The following ZNF2 variants were observed in gnomAD, a reference collection of about 807,000 sequenced individuals.
ZNF2 encodes zinc finger protein 2.
In ZNF2, 12 loss-of-function variants were observed where a neutral mutation model predicts 21.9. That is an observed-to-expected ratio of 0.55 (90% CI 0.35 to 0.89). The LOEUF is 0.89. Ranked by LOEUF, ZNF2 falls within the 40% of genes least tolerant of loss-of-function variation. The pLI is 0.01. For missense variants in ZNF2, 462 were observed against 544.2 expected, an observed-to-expected ratio of 0.85 and a Z score of 1.50; for synonymous variants, 186 against 196.3, an observed-to-expected ratio of 0.95 and a Z score of 0.44.
intron 4 of ZNF2, 129 bp downstream of exon 4, chr2:95,180,401 C>T: frequency 1.6e-6 from 1 of 621,110 alleles, no homozygotes; most frequent in South Asian, 2.3e-5. Context: ...TTGTATATCA[C>T]CCAATAGCTT....
chr2:95,166,713 G>A (rs1441308006), intron 1 of ZNF2, among the ~76,000 whole-genome samples: 2 of 152,206 alleles, frequency 1.3e-5, no homozygotes, highest in Non-Finnish European at 2.9e-5. Context: ...AGGGCCTGGT[G>A]ACTAGATTTG....
intron 2 of ZNF2, among the ~76,000 whole-genome samples, chr2:95,176,489 T>C (rs192328549): frequency 6.6e-6 from 1 of 152,274 alleles, no homozygotes; most frequent in African/African-American, 2.4e-5. Flanking sequence ...GAGCCTTCAC[T>C]GTGAGTGATT....
At chr2:95,166,988 G>T (rs1489755571) in intron 1 of ZNF2, among the ~76,000 whole-genome samples, 4 of 152,188 alleles carry the variant, frequency 2.6e-5, no homozygotes, top group African/African-American at 9.7e-5. Context: ...TGAAAATGGA[G>T]CCCTGAATGT....
intron 1 of ZNF2, among the ~76,000 whole-genome samples, chr2:95,169,644 G>A (rs1674204590): frequency 6.6e-6 from 1 of 152,142 alleles, no homozygotes; most frequent in African/African-American, 2.4e-5. Context: ...CAGCTACTCA[G>A]GAGGCTGAGG....
chr2:95,176,239 T>TCTC lies in ZNF2; in HGVS notation c.15_17dup (p.Pro6dup). 6.2e-7 allele frequency: 1 copy of TCTC among 1,614,150 alleles called. No homozygotes were observed. The highest frequency in any genetic ancestry group is 8.5e-7 in the Non-Finnish European group (1 of 1,180,034). On this transcript the variant is annotated inframe_insertion, in exon 2 of 5. Coordinates refer to ENST00000614034, the MANE Select transcript of ZNF2 (RefSeq NM_021088.4). ...CACACAGGAGAGAATGGCTGCTGTG[T>TCTC]CTCCGACCACCAGATGCCAGGTGAG... is the stretch of plus-strand genomic sequence containing the variant.
intron 1 of ZNF2, among the ~76,000 whole-genome samples, chr2:95,170,212 T>C (rs1674223974): frequency 6.6e-6 from 1 of 152,208 alleles, no homozygotes; most frequent in Non-Finnish European, 1.5e-5. Flanking sequence ...CGTTGCATGC[T>C]CTGGTTATCA....
rs80249426 is a variant in ZNF2, at chr2:95,181,265, G to A, written c.437G>A (p.Arg146His). 3.2e-5 allele frequency: 51 copies of A among 1,614,190 alleles called. No homozygotes were observed. The East Asian group carries it at 9.6e-4, about 30-fold the overall frequency. ...TEKQSPSGET[R>H]KKSLSRDKGL... ...AAGCAAAGCCCTTCAGGGGAGACTC[G>A]TAAGAAATCCCTCTCCCGGGACAAA... The change falls in exon 5 of 5, where the codon CGT (arginine) becomes CAT (histidine). Residue 146 changes from arginine to histidine, a missense_variant. Arg to His is a conservative substitution (Grantham distance 29). Coordinates refer to ENST00000614034, the MANE Select transcript of ZNF2 (RefSeq NM_021088.4).
Position 95,181,726 on chromosome 2 carries a change from C to T in ZNF2, c.898C>T (p.Leu300Phe). 1 of 1,614,204 alleles carries T rather than the reference C, an allele frequency of 6.2e-7. No individual in the cohort carries two copies. ...GAAAGCCTTTAGCCAGAAAAGTATT[C>T]TTACTCGCCATCAGCTAATCCACAC... Reference protein sequence around the residue: ...CGKAFSQKSILTRHQLIHTGR... With the variant: ...CGKAFSQKSIFTRHQLIHTGR... The change falls in exon 5 of 5, where the codon CTT becomes TTT. Residue 300 changes from leucine to phenylalanine, a missense_variant. Physicochemically the swap from Leu to Phe is conservative, Grantham distance 22 (BLOSUM62 0). Coordinates refer to ENST00000614034, the MANE Select transcript of ZNF2 (RefSeq NM_021088.4).
chr2:95,177,321 G>T (rs1166591045), intron 2 of ZNF2, among the ~76,000 whole-genome samples, 162 bp from the exon 3 acceptor site: 1 of 127,438 alleles, frequency 7.8e-6, no homozygotes, highest in Non-Finnish European at 1.8e-5. Flanking sequence ...TGTCTTGGGT[G>T]ATGAGGCCAC....
At chr2:95,180,386 A>T in intron 4 of ZNF2, 114 bp downstream of exon 4, 1 of 678,846 alleles carries the variant, frequency 1.5e-6, no homozygotes, top group East Asian at 2.7e-5. Flanking sequence ...CTGCTTTATT[A>T]TTTATTGTAT....
chr2:95,170,735 AG>A (rs1352078429), intron 1 of ZNF2, among the ~76,000 whole-genome samples: 1 of 152,204 alleles, frequency 6.6e-6, no homozygotes, highest in Non-Finnish European at 1.5e-5. Context: ...TAAGGGAGAA[AG>A]GATGAAGTCT....
intron 1 of ZNF2, among the ~76,000 whole-genome samples, chr2:95,168,957 C>T (rs1019802378): frequency 1.3e-5 from 2 of 152,224 alleles, no homozygotes; most frequent in African/African-American, 2.4e-5. Flanking sequence ...GCTTTCTGGA[C>T]GATGTCAAGG....
chr2:95,171,308 C>T (rs1674258216), intron 1 of ZNF2, among the ~76,000 whole-genome samples: 1 of 151,976 alleles, frequency 6.6e-6, no homozygotes, highest in African/African-American at 2.4e-5. Context: ...CATTGGTAAC[C>T]CGGGCGTCAT....
chr2:95,168,561 A>G (rs1042740398), intron 1 of ZNF2, among the ~76,000 whole-genome samples: 24 of 152,364 alleles, frequency 1.6e-4, no homozygotes, highest in African/African-American at 5.8e-4. Context: ...TTGACCTCAC[A>G]CATCTCGCTG....
In ZNF2 at chr2:95,183,254, A is replaced by G. The variant is rs1426296888; in HGVS notation, c.*1148A>G. Reference sequence around the variant, plus strand: ...AACATCTGGCTTCCAAAGTCACCACAAGGGCGGAAGAGAAAGCTAGAGGAA... The same window carrying G: ...AACATCTGGCTTCCAAAGTCACCACGAGGGCGGAAGAGAAAGCTAGAGGAA... On this transcript the variant is annotated 3_prime_UTR_variant, in exon 5 of 5. Coordinates refer to ENST00000614034, the MANE Select transcript of ZNF2 (RefSeq NM_021088.4). The G allele has an allele frequency of 6.6e-6, 1 of 152,254 alleles. No individual in the cohort carries two copies. The highest frequency in any genetic ancestry group is 2.4e-5 in the African/African-American group (1 of 41,464). The allele number at this position is 152,254 out of a possible 1,614,324, so 9.4% of individuals were successfully genotyped here. A position where few individuals can be genotyped will look rare whatever the true frequency, so the allele number is the denominator to read the frequency against.
At position 95,177,600 on chromosome 2, in the gene ZNF2, G is replaced by T. The variant is rs755355546; in HGVS notation, c.151G>T (p.Val51Leu). The change falls in exon 3 of 5, where the codon GTG becomes TTG. Residue 51 changes from valine to leucine, a missense_variant. Coordinates refer to ENST00000614034, the MANE Select transcript of ZNF2 (RefSeq NM_021088.4). The stretch of plus-strand genomic sequence containing the variant: ...GATGCTGGAGAACTATAACAGCATT[G>T]TGTCATTGGGTAAGGGGAGCCTCCA... ...EVMLENYNSI[V>L]SLGLPVPQPD... 5.6e-6 allele frequency: 9 copies of T among 1,613,624 alleles called. No individual in the cohort carries two copies. The highest frequency in any genetic ancestry group is 3.3e-5 in the Admixed American group (2 of 59,994).
intron 3 of ZNF2, among the ~76,000 whole-genome samples, chr2:95,178,616 T>C (rs907392328): frequency 6.6e-6 from 1 of 152,144 alleles, no homozygotes; most frequent in Non-Finnish European, 1.5e-5. Context: ...CTTTCCCAAG[T>C]TGGGGCCTCA....
At chr2:95,177,836 A>G (rs1162995187) in intron 3 of ZNF2, among the ~76,000 whole-genome samples, 1 of 152,170 alleles carries the variant, frequency 6.6e-6, no homozygotes, top group Non-Finnish European at 1.5e-5. Context: ...GGATGACCAT[A>G]GGCTCTCTCG....
intron 2 of ZNF2, among the ~76,000 whole-genome samples, chr2:95,177,214 A>G (rs1485702672): frequency 6.6e-6 from 1 of 152,136 alleles, no homozygotes; most frequent in Non-Finnish European, 1.5e-5. Context: ...GTACACAGGA[A>G]TTTTTTTGTG....
Sources: gnomAD v4.1 joint callset for allele counts (sites outside exome capture counted in the v4.1 genomes callset) on GRCh38, gnomAD v4.1.1 for gene constraint, MANE v1.5 for transcripts, NCBI Gene and HGNC (gene_info 2026-07-23, HGNC 2026-07-21) for gene names.